The following ADAM17 variants were observed in gnomAD, a reference collection of about 807,000 sequenced individuals.
The protein encoded by ADAM17 is disintegrin and metalloproteinase domain-containing protein 17.
In ADAM17, 39 loss-of-function variants were observed where a neutral mutation model predicts 96.7. The ratio of observed to expected loss-of-function variants is 0.40; its 90% CI spans 0.31 to 0.53. The LOEUF (loss-of-function observed/expected upper bound fraction) is 0.53. Among genes scored for constraint, ADAM17 ranks in the 20% least tolerant of loss-of-function variants. The probability of loss-of-function intolerance (pLI) is 0.44; values close to 1 mark genes in which losing one functional copy is unlikely to be tolerated. For missense variants in ADAM17, 777 were observed against 1,013.2 expected, an observed-to-expected ratio of 0.77 and a Z score of 3.17; for synonymous variants, 344 against 359.2, an observed-to-expected ratio of 0.96 and a Z score of 0.48.
intron 2 of ADAM17, among the ~76,000 whole-genome samples, chr2:9,537,077 T>C (rs528928842): frequency 5.4e-4 from 82 of 152,318 alleles, no homozygotes; most frequent in Middle Eastern, 3.4e-3. Context: ...AAAGAACTTA[T>C]ACATTCATCT....
chr2:9,498,000 C>T (rs922866499), intron 13 of ADAM17, among the ~76,000 whole-genome samples: 6 of 152,132 alleles, frequency 3.9e-5, no homozygotes, highest in South Asian at 2.1e-4. Context: ...TATAGGTATA[C>T]TACAAATATT....
At chr2:9,495,099 G>T (rs938683755) in intron 14 of ADAM17, among the ~76,000 whole-genome samples, 3 of 152,120 alleles carry the variant, frequency 2.0e-5, no homozygotes, top group Non-Finnish European at 4.4e-5. Context: ...CAACTTTCTT[G>T]TCACCCTGCT....
At chr2:9,518,779 T>C (rs568942564) in intron 8 of ADAM17, among the ~76,000 whole-genome samples, 2 of 152,234 alleles carry the variant, frequency 1.3e-5, no homozygotes, top group Admixed American at 6.5e-5. Flanking sequence ...TCCATTTAAA[T>C]CAACACTGCA....
chr2:9,523,429 TCA>T, intron 6 of ADAM17, 91 bp from the exon 7 acceptor site: 1 of 1,187,928 alleles, frequency 8.4e-7, no homozygotes, highest in Non-Finnish European at 1.2e-6. Flanking sequence ...AGAAAAAATC[TCA>T]GTTTAGAGGC....
At chr2:9,553,898 C>T (rs1274753641) in intron 1 of ADAM17, among the ~76,000 whole-genome samples, 2 of 151,214 alleles carry the variant, frequency 1.3e-5, no homozygotes, top group Non-Finnish European at 2.9e-5. Flanking sequence ...CCCGTCTCTA[C>T]TAGGAATACA....
intron 11 of ADAM17, 75 bp downstream of exon 11, chr2:9,509,903 GT>G (rs1663637677): frequency 1.3e-6 from 2 of 1,546,896 alleles, no homozygotes; most frequent in African/African-American, 2.7e-5. Context: ...AATGGAATAC[GT>G]TTCTGAGCTC....
chr2:9,555,177 C>A (rs1337931796), intron 1 of ADAM17, among the ~76,000 whole-genome samples: 1 of 152,102 alleles, frequency 6.6e-6, no homozygotes, highest in Non-Finnish European at 1.5e-5. Context: ...ACCCTGACCA[C>A]ATCTCCCTCT....
chr2:9,550,903 CA>C (rs33972062), intron 1 of ADAM17, among the ~76,000 whole-genome samples: 4,935 of 97,846 alleles, frequency 0.05, 249 homozygotes, highest in African/African-American at 0.15. Flanking sequence ...ACTAAAAATA[CA>C]AAAAAAAAAA....
chr2:9,551,258 G>T (rs577842249), intron 1 of ADAM17, among the ~76,000 whole-genome samples: 4 of 151,838 alleles, frequency 2.6e-5, no homozygotes, highest in Non-Finnish European at 5.9e-5. Flanking sequence ...AAAAGGAAGG[G>T]GGGGAACGGA....
At position 9,491,789 on chromosome 2, in the gene ADAM17, A is replaced by G. The variant is rs537017042; in HGVS notation, c.2083-638T>C. Reference sequence around the variant, plus strand: ...CTAGGCTTCCTGTCTGGGTGCCATCAATGCATTCTATGACCAAAAACAAGC... The same window carrying G: ...CTAGGCTTCCTGTCTGGGTGCCATCGATGCATTCTATGACCAAAAACAAGC... On this transcript the variant is annotated intron_variant, in intron 17 of 18. Coordinates refer to ENST00000310823, the MANE Select transcript of ADAM17 (RefSeq NM_003183.6). Among the ~76,000 whole-genome samples the G allele has an allele frequency of 7.9e-5, 12 of 152,328 alleles. 1 individual carries two copies. In the South Asian group the frequency reaches 2.3e-3, roughly 29 times the overall value.
chr2:9,510,536 C>T (rs769907480), intron 10 of ADAM17, among the ~76,000 whole-genome samples: 25 of 152,046 alleles, frequency 1.6e-4, no homozygotes, highest in South Asian at 2.1e-4. Flanking sequence ...TGGAGGCACG[C>T]GCCTGTAATC....
At chr2:9,551,078 A>C (rs537026524) in intron 1 of ADAM17, among the ~76,000 whole-genome samples, 7 of 152,082 alleles carry the variant, frequency 4.6e-5, no homozygotes, top group Non-Finnish European at 1.0e-4. Context: ...GTCTCAAAAA[A>C]AAAAAAAAGG....
intron 10 of ADAM17, among the ~76,000 whole-genome samples, chr2:9,514,630 T>C (rs1663961692): frequency 7.0e-6 from 1 of 143,854 alleles, no homozygotes; most frequent in South Asian, 2.3e-4. Context: ...TTCCAACACT[T>C]TGGGAGGCCA....
chr2:9,555,497 C>T lies in ADAM17; in HGVS notation c.97+12G>A, dbSNP rs535917066. 1.3e-6 allele frequency: 2 copies of T among 1,581,974 alleles called. No individual in the cohort carries two copies. The highest frequency in any genetic ancestry group is 4.6e-5 in the East Asian group (2 of 43,414). ...CAGGCGCCGGCCTAAGCCAACTCCC[C>T]TGGGTCTTTACCGAGTCTCTGGTGG... On this transcript the variant is annotated intron_variant, in intron 1 of 18. Coordinates refer to ENST00000310823, the MANE Select transcript of ADAM17 (RefSeq NM_003183.6).
At chr2:9,510,532 C>T (rs1007714577) in intron 10 of ADAM17, among the ~76,000 whole-genome samples, 1 of 152,214 alleles carries the variant, frequency 6.6e-6, no homozygotes, top group East Asian at 1.9e-4. Context: ...GGCATGGAGG[C>T]ACGCGCCTGT....
rs535826883 is a variant in ADAM17, at chr2:9,553,846, G to A, written c.97+1663C>T. On this transcript the variant is annotated intron_variant, in intron 1 of 18. Coordinates refer to ENST00000310823, the MANE Select transcript of ADAM17 (RefSeq NM_003183.6). ...AGGGAGGCCCAGGTGGGCGGATCAC[G>A]AGGTCAAGAGTTCTAGACCAGCCTG... is the stretch of plus-strand genomic sequence containing the variant. 5.3e-5 allele frequency among the ~76,000 whole-genome samples: 8 copies of A among 152,018 alleles called. No homozygotes were observed. The East Asian group carries it at 5.8e-4, about 11-fold the overall frequency.
Position 9,555,542 on chromosome 2 carries a change from C to T in ADAM17, c.64G>A (p.Asp22Asn). ...VPFVLAPRPP[D>N]DPGFGPHQRL... ...TGGTGGGGGCCGAAGCCCGGGTCAT[C>T]CGGAGGTCGCGGCGCCAGCACGAAA... is the stretch of plus-strand genomic sequence containing the variant. Residue 22 changes from aspartate to asparagine, a missense_variant, in exon 1 of 19, where the codon GAT becomes AAT. Physicochemically the swap from Asp to Asn is conservative, Grantham distance 23. This residue lies in a region of ADAM17 where 134 missense variants were observed against 129.1 expected (regional missense o/e 1.04). Transcript: ENST00000310823. The T allele has an allele frequency of 6.2e-7, 1 of 1,603,742 alleles. No homozygotes were observed. The highest frequency in any genetic ancestry group is 8.5e-7 in the Non-Finnish European group (1 of 1,175,120).
chr2:9,502,080 G>T, intron 13 of ADAM17, 93 bp downstream of exon 13: 2 of 1,088,618 alleles, frequency 1.8e-6, no homozygotes, highest in Admixed American at 2.1e-5. Context: ...TAAAAATAAG[G>T]TGTCTCTCAT....
chr2:9,492,917 C>A lies in ADAM17; in HGVS notation c.2063G>T (p.Ser688Ile). ...ACTTACCACACAATGGACAAGAATGCTGAAAGGAATCCAAAATATCAAGGA... is the reference window on the plus strand; with the variant it reads ...ACTTACCACACAATGGACAAGAATGATGAAAGGAATCCAAAATATCAAGGA... ...VFSLIFWIPF[S>I]ILVHCVDKKL... Residue 688 changes from serine to isoleucine, a missense_variant, in exon 17 of 19, where the codon AGC becomes ATC. Ser to Ile is a moderately radical substitution (Grantham distance 142). Around this residue, in one of 3 missense-constraint regions of ADAM17, gnomAD observed 197 missense variants for 219.4 expected, o/e 0.90. Coordinates refer to ENST00000310823, the MANE Select transcript of ADAM17 (RefSeq NM_003183.6). 4 of 1,612,394 alleles carry A rather than the reference C, an allele frequency of 2.5e-6. No individual in the cohort carries two copies. Among genetic ancestry groups the A allele is most frequent in the Non-Finnish European group, 3.4e-6 (4 of 1,179,052 alleles).
Sources: allele counts gnomAD v4.1 joint callset (sites outside exome capture counted in the v4.1 genomes callset), GRCh38; gene constraint gnomAD v4.1.1; regional missense constraint gnomAD v4.1.1; transcripts MANE v1.5; gene names NCBI Gene and HGNC (gene_info 2026-07-23, HGNC 2026-07-21).